Variants in CCDC149 observed in about 807,000 individuals in gnomAD.
CCDC149 encodes the protein coiled-coil domain-containing protein 149.
A neutral mutation model predicts 59.9 loss-of-function variants in CCDC149; 45 were observed. That is an observed-to-expected ratio of 0.75 (90% CI 0.59 to 0.96). The LOEUF (loss-of-function observed/expected upper bound fraction) is 0.96, where lower values mean the gene tolerates loss of function less well. Among genes scored for constraint, CCDC149 ranks in the 40% least tolerant of loss-of-function variants. The pLI is 0.00. For synonymous variants in CCDC149, 245 were observed against 260.6 expected, an observed-to-expected ratio of 0.94 and a Z score of 0.58; for missense variants, 584 against 664.7, an observed-to-expected ratio of 0.88 and a Z score of 1.33.
intron 1 of CCDC149, among the ~76,000 whole-genome samples, chr4:24,903,346 A>T (rs1424269228): frequency 6.6e-6 from 1 of 152,168 alleles, no homozygotes; most frequent in African/African-American, 2.4e-5. Context: ...GGGCAGAATC[A>T]GAGTGCAAAT....
At chr4:24,934,098 G>A (rs1472857457) in intron 1 of CCDC149, among the ~76,000 whole-genome samples, 1 of 152,166 alleles carries the variant, frequency 6.6e-6, no homozygotes, top group African/African-American at 2.4e-5. Flanking sequence ...AAAGTGGAAT[G>A]TGCCAAGCCT....
Position 24,836,523 on chromosome 4 carries a change from A to G in CCDC149, c.663-15T>C. The G allele has an allele frequency of 6.3e-7, 1 of 1,574,844 alleles. No homozygotes were observed. On this transcript the variant is annotated splice_polypyrimidine_tract_variant and intron_variant, in intron 6 of 12. Coordinates refer to ENST00000635206, the MANE Select transcript of CCDC149 (RefSeq NM_001330643.2). ...CTTGAAGGTACCTGAAAAAGAATACATAAAACTAGGAGGTGTTTAAGGGCT... is the reference window on the plus strand; with the variant it reads ...CTTGAAGGTACCTGAAAAAGAATACGTAAAACTAGGAGGTGTTTAAGGGCT...
chr4:24,864,250 G>C (rs1283955008), intron 3 of CCDC149, among the ~76,000 whole-genome samples: 4 of 152,208 alleles, frequency 2.6e-5, no homozygotes, highest in Non-Finnish European at 5.9e-5. Context: ...TCTACTGAAA[G>C]GTTAGGTATC....
At chr4:24,889,828 T>A (rs78070398) in intron 1 of CCDC149, among the ~76,000 whole-genome samples, 4 of 152,128 alleles carry the variant, frequency 2.6e-5, no homozygotes, top group African/African-American at 9.7e-5. Flanking sequence ...TCTGTCTCAG[T>A]AGAAATCCTA....
intron 3 of CCDC149, among the ~76,000 whole-genome samples, chr4:24,863,907 G>A (rs563797276): frequency 2.3e-4 from 35 of 152,322 alleles, no homozygotes; most frequent in Non-Finnish European, 3.1e-4. Context: ...AGGACACAGC[G>A]GTAAGGATGA....
chr4:24,866,408 T>C (rs1577426986), intron 3 of CCDC149, among the ~76,000 whole-genome samples: 1 of 152,160 alleles, frequency 6.6e-6, no homozygotes, highest in Non-Finnish European at 1.5e-5. Context: ...AAGAATCCCA[T>C]CTTATAAGAA....
At chr4:24,921,870 G>A (rs1018170666) in intron 1 of CCDC149, among the ~76,000 whole-genome samples, 1 of 152,174 alleles carries the variant, frequency 6.6e-6, no homozygotes, top group Non-Finnish European at 1.5e-5. Context: ...CTCTTGTGCT[G>A]CGTTACAGTG....
At chr4:24,957,384 C>T (rs1033436446) in intron 1 of CCDC149, among the ~76,000 whole-genome samples, 3 of 152,306 alleles carry the variant, frequency 2.0e-5, no homozygotes, top group Middle Eastern at 6.8e-3. Flanking sequence ...ATGAGAGGTT[C>T]TCTACAACTA....
Position 24,822,413 on chromosome 4 carries a change from ACT to A in CCDC149, c.1042+82_1042+83del. The A allele has an allele frequency of 5.0e-6, 4 of 803,628 alleles. No homozygotes were observed. The South Asian group carries it at 8.1e-5, about 16-fold the overall frequency. The allele number at this position is 803,628 out of a possible 1,614,324, so 49.8% of individuals were successfully genotyped here. ...TAAAAGGACATTAAAGAGGTAGAAG[ACT>A]CTTGTAAATTACGTGGGAGCTTCAT... On this transcript the variant is annotated intron_variant, in intron 10 of 12. Coordinates refer to ENST00000635206, the MANE Select transcript of CCDC149 (RefSeq NM_001330643.2).
Position 24,813,998 on chromosome 4 carries a change from C to G in CCDC149, c.1193-5179G>C, listed in dbSNP as rs574838738. ...GTGGGTCTTGGCTACTGTTGCCACA[C>G]CCTATAGCTCTAATTCTCCTGATAT... On this transcript the variant is annotated intron_variant, in intron 12 of 12. Coordinates refer to ENST00000635206, the MANE Select transcript of CCDC149 (RefSeq NM_001330643.2). Among the ~76,000 whole-genome samples, 4 of 152,304 alleles carry G rather than the reference C, an allele frequency of 2.6e-5. No individual in the cohort carries two copies. In the East Asian group the frequency reaches 7.7e-4, roughly 29 times the overall value.
chr4:24,885,286 G>A (rs899524311), intron 1 of CCDC149, among the ~76,000 whole-genome samples: 1 of 152,152 alleles, frequency 6.6e-6, no homozygotes, highest in Non-Finnish European at 1.5e-5. Flanking sequence ...GACATCCTGT[G>A]GTGTAAATTA....
intron 1 of CCDC149, among the ~76,000 whole-genome samples, chr4:24,949,449 T>C (rs1002967188): frequency 1.7e-5 from 1 of 57,690 alleles, no homozygotes; most frequent in African/African-American, 6.4e-5. Context: ...GGAGGGGGGG[T>C]GGTGGGGGGA....
intron 1 of CCDC149, among the ~76,000 whole-genome samples, chr4:24,921,062 CCTT>C (rs1722270172): frequency 1.3e-5 from 2 of 152,144 alleles, no homozygotes; most frequent in Admixed American, 1.3e-4. Context: ...AAAATAAACT[CCTT>C]GAGAGCAGGG....
intron 1 of CCDC149, among the ~76,000 whole-genome samples, chr4:24,932,297 A>G (rs1222587450): frequency 6.6e-6 from 1 of 152,138 alleles, no homozygotes; most frequent in Non-Finnish European, 1.5e-5. Flanking sequence ...TCTTTTAGTA[A>G]TTTAAGTTTC....
chr4:24,898,292 T>C (rs1298429992), intron 1 of CCDC149, among the ~76,000 whole-genome samples: 1 of 151,730 alleles, frequency 6.6e-6, no homozygotes, highest in African/African-American at 2.4e-5. Flanking sequence ...GAGACACAGG[T>C]AGGTACTGTC....
chr4:24,870,534 C>T (rs1402976116), intron 3 of CCDC149, among the ~76,000 whole-genome samples: 3 of 152,194 alleles, frequency 2.0e-5, no homozygotes, highest in Admixed American at 1.3e-4. Context: ...CCTAAAGGGA[C>T]AGAAACTTAA....
At chr4:24,816,131 A>T (rs1361722381) in intron 12 of CCDC149, among the ~76,000 whole-genome samples, 2 of 152,108 alleles carry the variant, frequency 1.3e-5, no homozygotes, top group Non-Finnish European at 1.5e-5. Context: ...ACACTGTCCC[A>T]GGCTGGAGTG....
At chr4:24,968,768 T>G (rs963720389) in intron 1 of CCDC149, among the ~76,000 whole-genome samples, 4 of 152,338 alleles carry the variant, frequency 2.6e-5, no homozygotes, top group African/African-American at 9.6e-5. Context: ...GTGACACCTA[T>G]GGTAATCTGC....
At chr4:24,921,872 G>A (rs1361757364) in intron 1 of CCDC149, among the ~76,000 whole-genome samples, 6 of 152,176 alleles carry the variant, frequency 3.9e-5, no homozygotes, top group Admixed American at 2.0e-4. Flanking sequence ...CTTGTGCTGC[G>A]TTACAGTGTC....
Sources: gnomAD v4.1 joint callset for allele counts (sites outside exome capture counted in the v4.1 genomes callset) on GRCh38, gnomAD v4.1.1 for gene constraint, MANE v1.5 for transcripts, NCBI Gene and HGNC (gene_info 2026-07-23, HGNC 2026-07-21) for gene names.